Variants in UNC5A observed in about 807,000 individuals in gnomAD.
UNC5A encodes the protein unc-5 netrin receptor A.
A neutral mutation model predicts 87.4 loss-of-function variants in UNC5A; 20 were observed. That is an observed-to-expected ratio of 0.23 (90% CI 0.16 to 0.33). The LOEUF (loss-of-function observed/expected upper bound fraction) is 0.33. Among genes scored for constraint, UNC5A ranks in the 10% least tolerant of loss-of-function variants. The pLI, the probability that UNC5A is intolerant of heterozygous loss-of-function variation, is 1.00. For synonymous variants in UNC5A, 438 were observed against 482.3 expected, an observed-to-expected ratio of 0.91 and a Z score of 1.20; for missense variants, 844 against 1,133.4, an observed-to-expected ratio of 0.74 and a Z score of 3.67.
intron 1 of UNC5A, among the ~76,000 whole-genome samples, chr5:176,840,700 C>T (rs938887103): frequency 6.6e-5 from 10 of 152,202 alleles, no homozygotes; most frequent in Non-Finnish European, 2.9e-5. Flanking sequence ...CCCAGGCGTC[C>T]CTGGTGCCCA....
At chr5:176,853,348 C>G (rs1043741780) in intron 1 of UNC5A, among the ~76,000 whole-genome samples, 1 of 152,178 alleles carries the variant, frequency 6.6e-6, no homozygotes, top group Non-Finnish European at 1.5e-5. Context: ...CAGGAGCTGG[C>G]GGGCAAGGGA....
chr5:176,858,726 G>GGAAA (rs1480421069), intron 1 of UNC5A, among the ~76,000 whole-genome samples: 4 of 65,706 alleles, frequency 6.1e-5, no homozygotes, highest in African/African-American at 2.3e-4. Flanking sequence ...AGAGAGAGAA[G>GGAAA]GAAGGAAGGA....
intron 1 of UNC5A, among the ~76,000 whole-genome samples, chr5:176,820,066 T>A (rs1756691432): frequency 1.3e-5 from 2 of 151,390 alleles, no homozygotes; most frequent in South Asian, 4.2e-4. Flanking sequence ...ATCGAGACCA[T>A]CCTGGCTAAC....
rs1561633463 is a variant in UNC5A at position 176,810,652 on chromosome 5, C to T, written c.-99C>T. On this transcript the variant is annotated 5_prime_UTR_variant, in exon 1 of 15. Coordinates refer to ENST00000329542, the MANE Select transcript of UNC5A (RefSeq NM_133369.3). This position sits in a 1 kb window ranked among gnomAD's most constrained non-coding sequence, Gnocchi z 7.3. ...CAGCGCAGTCCGCTGGCATGGGCCC[C>T]GGGGGCGCCCCGAGCTGGGGCTCCG... is the stretch of plus-strand genomic sequence containing the variant. 2.4e-5 allele frequency: 8 copies of T among 336,282 alleles called. No individual in the cohort carries two copies. The highest frequency in any genetic ancestry group is 6.6e-5 in the Admixed American group (1 of 15,214). 20.8% of individuals were successfully genotyped at this position (336,282 alleles called of 1,614,324 possible).
At chr5:176,852,638 T>G (rs941628068) in intron 1 of UNC5A, among the ~76,000 whole-genome samples, 1 of 152,274 alleles carries the variant, frequency 6.6e-6, no homozygotes, top group Non-Finnish European at 1.5e-5. Context: ...ACTATTTCTC[T>G]GGCCTGAGGC....
chr5:176,868,802 G>A lies in UNC5A; in HGVS notation c.559G>A (p.Glu187Lys), dbSNP rs142225907. ...PPAEVEWLRN[E>K]DLVDPSLDPN... ...CCCCTAGGTGGAGTGGCTCCGGAAC[G>A]AGGACCTGGTGGACCCGTCCCTGGA... The change falls in exon 5 of 15, where the codon GAG (glutamate) becomes AAG (lysine). Residue 187 changes from glutamate to lysine, a missense_variant. By Grantham distance (56) the Glu-to-Lys change is moderately conservative. Transcript: ENST00000329542. The A allele has an allele frequency of 2.5e-6, 4 of 1,600,766 alleles. No homozygotes were observed. Among genetic ancestry groups the A allele is most frequent in the East Asian group, 2.2e-5 (1 of 44,496 alleles).
intron 1 of UNC5A, among the ~76,000 whole-genome samples, chr5:176,842,110 T>C (rs974252216): frequency 2.0e-5 from 3 of 152,206 alleles, no homozygotes; most frequent in African/African-American, 7.2e-5. Flanking sequence ...GGCAGGAGAA[T>C]GGCGTGAACC....
At chr5:176,858,278 G>C (rs930255419) in intron 1 of UNC5A, among the ~76,000 whole-genome samples, 7 of 152,218 alleles carry the variant, frequency 4.6e-5, no homozygotes, top group Non-Finnish European at 1.0e-4. Flanking sequence ...TTTCCCAGGA[G>C]AGTTGAGGTA....
intron 1 of UNC5A, among the ~76,000 whole-genome samples, chr5:176,843,161 CAA>C (rs546212256): frequency 2.0e-4 from 18 of 90,158 alleles, no homozygotes; most frequent in East Asian, 3.4e-4. Flanking sequence ...AACTCTGTCT[CAA>C]AAAAAAAAAA....
chr5:176,818,776 C>A (rs1306214909), intron 1 of UNC5A, among the ~76,000 whole-genome samples: 2 of 152,182 alleles, frequency 1.3e-5, no homozygotes, highest in Non-Finnish European at 2.9e-5. Flanking sequence ...TGTGTGGCCT[C>A]AAGTGAACTC....
Position 176,875,051 on chromosome 5 carries a change from A to G in UNC5A, c.1378+485A>G, listed in dbSNP as rs916270860. ...GCCTCTGGCATGGCTGGCCACTCCC[A>G]CCCGAAATTCCCAAGTCCCTCAGCT... On this transcript the variant is annotated intron_variant, in intron 8 of 14. Transcript: ENST00000329542. The surrounding 1 kb of genome is among the most constrained non-coding windows in gnomAD (Gnocchi z 5.2). 6.6e-6 allele frequency among the ~76,000 whole-genome samples: 1 copy of G among 151,848 alleles called. No individual in the cohort carries two copies. Among genetic ancestry groups the G allele is most frequent in the African/African-American group, 2.4e-5 (1 of 41,336 alleles).
At chr5:176,858,764 AAGGAAGGAAG>A (rs1561658971) in intron 1 of UNC5A, among the ~76,000 whole-genome samples, 11 of 136,746 alleles carry the variant, frequency 8.0e-5, no homozygotes, top group South Asian at 2.6e-4. Context: ...GGAAGGAAGG[AAGGAAGGAAG>A]GCAAGCAAGC....
At position 176,879,434 on chromosome 5, in the gene UNC5A, C is replaced by G. The variant is rs1055327777; in HGVS notation, c.2309C>G (p.Pro770Arg). The stretch of plus-strand genomic sequence containing the variant: ...AAGATAATTTCCAGCCTGGACCCAC[C>G]CTGTAGGCGGGGTGCCGACTGGCGG... ...RQKIISSLDP[P>R]CRRGADWRTL... The change falls in exon 14 of 15, where the codon CCC (proline) becomes CGC (arginine). Residue 770 changes from proline (P) to arginine (R), a missense_variant. This residue lies in a region of UNC5A where 177 missense variants were observed against 279.4 expected (regional missense o/e 0.63). Coordinates refer to ENST00000329542, the MANE Select transcript of UNC5A (RefSeq NM_133369.3). 1 of 1,612,572 alleles carries G rather than the reference C, an allele frequency of 6.2e-7. No homozygotes were observed. Among genetic ancestry groups the G allele is most frequent in the Non-Finnish European group, 8.5e-7 (1 of 1,179,834 alleles).
At position 176,862,730 on chromosome 5, in the gene UNC5A, G is replaced by A. The variant is rs764076725; in HGVS notation, c.177G>A (p.Lys59=). ...EPEDVYIVKN[K]PVLLVCKAVP... ...AGGATGTGTACATCGTCAAGAACAA[G>A]CCAGTGCTGCTTGTGTGCAAGGCCG... is the stretch of plus-strand genomic sequence containing the variant. The change falls in exon 2 of 15, where the codon AAG becomes AAA. Residue 59 remains lysine (K), a synonymous_variant. Transcript: ENST00000329542. The A allele has an allele frequency of 9.3e-6, 15 of 1,613,512 alleles. No homozygotes were observed. The highest frequency in any genetic ancestry group is 5.9e-6 in the Non-Finnish European group (7 of 1,180,016).
At chr5:176,829,328 T>TG (rs1756938962) in intron 1 of UNC5A, among the ~76,000 whole-genome samples, 1 of 93,356 alleles carries the variant, frequency 1.1e-5, no homozygotes, top group African/African-American at 3.9e-5. Context: ...ATGTATGAAA[T>TG]ATGGATGGAT....
At chr5:176,858,818 A>C (rs556531188) in intron 1 of UNC5A, among the ~76,000 whole-genome samples, 4 of 148,132 alleles carry the variant, frequency 2.7e-5, no homozygotes, top group Admixed American at 6.8e-5. Context: ...GAAAGAAAGA[A>C]AGGAAGGAAG....
chr5:176,817,584 C>G (rs989182728), intron 1 of UNC5A, among the ~76,000 whole-genome samples: 1 of 151,996 alleles, frequency 6.6e-6, no homozygotes. Flanking sequence ...CCCTCCCCAC[C>G]CCCGCCCAAA....
At chr5:176,859,879 C>T (rs1403370562) in intron 1 of UNC5A, among the ~76,000 whole-genome samples, 2 of 152,230 alleles carry the variant, frequency 1.3e-5, no homozygotes, top group African/African-American at 4.8e-5. Flanking sequence ...CCTGGGTCCA[C>T]CGGATAAATG....
chr5:176,859,119 ATGGCTGC>A (rs1429846095), intron 1 of UNC5A, among the ~76,000 whole-genome samples: 14 of 117,470 alleles, frequency 1.2e-4, no homozygotes, highest in African/African-American at 5.2e-4. Context: ...GCTAGAGGGC[ATGGCTGC>A]TAGAATGCCC....
Sources: gnomAD v4.1 joint callset for allele counts (sites outside exome capture counted in the v4.1 genomes callset) on GRCh38, gnomAD v4.1.1 for gene constraint, gnomAD v4.1.1 regional missense constraint, Gnocchi (gnomAD v3.1) non-coding constraint, MANE v1.5 for transcripts, NCBI Gene and HGNC (gene_info 2026-07-23, HGNC 2026-07-21) for gene names.